DNAI2: variants seen among roughly 807,000 people sequenced by gnomAD.
DNAI2 encodes dynein axonemal intermediate chain 2, also known as dynein, axonemal, intermediate polypeptide 2.
Under a neutral mutation model 74.7 loss-of-function variants are expected in DNAI2, and 63 were observed. That is an observed-to-expected ratio of 0.84 (90% CI 0.69 to 1.04). DNAI2 has a LOEUF of 1.04. DNAI2 is among the 50% of genes least tolerant of loss of function. The pLI, the probability that DNAI2 is intolerant of heterozygous loss-of-function variation, is 0.00. For missense variants in DNAI2, 688 were observed against 803.2 expected (o/e 0.86, Z 1.73); for synonymous variants, 289 against 314.9 (o/e 0.92, Z 0.87).
chr17:74,306,263 G>T (rs2053186492), intron 9 of DNAI2, among the ~76,000 whole-genome samples: 1 of 152,216 alleles, frequency 6.6e-6, no homozygotes, highest in Non-Finnish European at 1.5e-5. Context: ...ACAATGGTTA[G>T]ACCAGAGAAG....
intron 2 of DNAI2, 128 bp from the exon 3 acceptor site, chr17:74,284,912 C>T (rs2051617201): frequency 8.3e-7 from 1 of 1,201,820 alleles, no homozygotes; most frequent in Non-Finnish European, 1.2e-6. Flanking sequence ...TTTGAAAATA[C>T]TGTGGCTCCG....
chr17:74,280,991 G>A (rs1157523434), intron 1 of DNAI2, among the ~76,000 whole-genome samples: 1 of 151,026 alleles, frequency 6.6e-6, no homozygotes, highest in African/African-American at 2.4e-5. Flanking sequence ...GGGAGGCTGA[G>A]GTGGGAGGAT....
chr17:74,309,036 C>G (rs2053347587), intron 9 of DNAI2, among the ~76,000 whole-genome samples: 1 of 143,692 alleles, frequency 7.0e-6, no homozygotes, highest in African/African-American at 2.7e-5. Context: ...GCACTCCAGC[C>G]TGGGCAACAG....
At position 74,309,328 on chromosome 17, in the gene DNAI2, C is replaced by T. The variant is rs372940037; in HGVS notation, c.1287C>T (p.Asp429=). The change falls in exon 10 of 14, where the codon GAC becomes GAT. Residue 429 remains aspartate, a synonymous_variant. Coordinates refer to ENST00000311014, the MANE Select transcript of DNAI2 (RefSeq NM_023036.6). The part of the protein sequence containing the change: ...RPTVFFTTRM[D]GTLDIWDFMF... ...CCGTTTTCTTTACCACCAGGATGGA[C>T]GGAACCCTGGATATCTGGGACTTCA... 4.0e-5 allele frequency: 65 copies of T among 1,613,998 alleles called. 1 individual carries two copies. The highest frequency in any genetic ancestry group is 2.0e-4 in the South Asian group (18 of 91,076).
chr17:74,286,911 T>G (rs1223161990), intron 3 of DNAI2, 66 bp from the exon 4 acceptor site: 1 of 1,608,376 alleles, frequency 6.2e-7, no homozygotes, highest in South Asian at 1.1e-5. Flanking sequence ...CAGACTCCAT[T>G]GCAGGCCTGG....
intron 5 of DNAI2, among the ~76,000 whole-genome samples, chr17:74,290,441 C>T (rs1167066527): frequency 2.0e-5 from 3 of 152,158 alleles, no homozygotes; most frequent in Admixed American, 6.6e-5. Context: ...GCAGGGGCAG[C>T]GTGTCCATTT....
Position 74,314,870 on chromosome 17 carries a change from A to C in DNAI2, c.*337A>C. The C allele has an allele frequency of 6.0e-6, 1 of 166,096 alleles. No homozygotes were observed. Among genetic ancestry groups the C allele is most frequent in the South Asian group, 1.4e-4 (1 of 6,902 alleles). 10.3% of individuals were successfully genotyped at this position (166,096 alleles called of 1,614,324 possible). A position where few individuals can be genotyped will look rare whatever the true frequency, so the allele number is the denominator to read the frequency against. On this transcript the variant is annotated 3_prime_UTR_variant, in exon 14 of 14. Transcript: ENST00000311014. ...TCCTAATTCTTGTAAAATTAAATGAATCGTAACAATGCCACGAGTTAGTAC... is the reference window on the plus strand; with the variant it reads ...TCCTAATTCTTGTAAAATTAAATGACTCGTAACAATGCCACGAGTTAGTAC...
chr17:74,299,866 C>T lies in DNAI2; in HGVS notation c.864+9C>T, dbSNP rs1380145661. 1 of 1,613,362 alleles carries T rather than the reference C, an allele frequency of 6.2e-7. No homozygotes were observed. Among genetic ancestry groups the T allele is most frequent in the East Asian group, 2.2e-5 (1 of 44,868 alleles). ...CTTCCACGGATGGGCAGGTACCCACCAGCCAGACACTGGAGAGAGGAGGGA... is the reference window on the plus strand; with the variant it reads ...CTTCCACGGATGGGCAGGTACCCACTAGCCAGACACTGGAGAGAGGAGGGA... On this transcript the variant is annotated intron_variant, in intron 7 of 13. Coordinates refer to ENST00000311014, the MANE Select transcript of DNAI2 (RefSeq NM_023036.6).
intron 10 of DNAI2, 174 bp downstream of exon 10, chr17:74,309,562 C>A: frequency 1.1e-6 from 1 of 890,948 alleles, no homozygotes; most frequent in Non-Finnish European, 1.8e-6. Flanking sequence ...GCGTGTGCTC[C>A]TACAAAGGTT....
intron 10 of DNAI2, 183 bp from the exon 11 acceptor site, chr17:74,309,834 A>T: frequency 1.3e-6 from 1 of 754,996 alleles, no homozygotes; most frequent in Non-Finnish European, 2.2e-6. Flanking sequence ...GCGGGAGATG[A>T]GGCAGGGAAG....
chr17:74,289,839 G>A (rs532158476), intron 5 of DNAI2, 103 bp downstream of exon 5: 60 of 1,478,404 alleles, frequency 4.1e-5, no homozygotes, highest in African/African-American at 3.9e-4. Flanking sequence ...ACACTCACGC[G>A]GTTGGTGCCT....
rs567522765 is a variant in DNAI2, at chr17:74,280,762, T to G, written c.-11-1045T>G. 5.9e-5 allele frequency among the ~76,000 whole-genome samples: 9 copies of G among 152,218 alleles called. No homozygotes were observed. The East Asian group carries it at 1.7e-3, about 29-fold the overall frequency. On this transcript the variant is annotated intron_variant, in intron 1 of 13. Coordinates refer to ENST00000311014, the MANE Select transcript of DNAI2 (RefSeq NM_023036.6). ...CAACATCATCACCATCAATATTTCC[T>G]CCTGCCCTGTCAATAAACACTGATT... is the stretch of plus-strand genomic sequence containing the variant.
At chr17:74,311,941 A>G (rs981295619) in intron 11 of DNAI2, 62 bp from the exon 12 acceptor site, 30 of 1,529,278 alleles carry the variant, frequency 2.0e-5, no homozygotes, top group Non-Finnish European at 2.6e-5. Flanking sequence ...TGGCCCCAGC[A>G]CTGGAGTCGC....
rs1356453042 is a variant in DNAI2, at chr17:74,281,913, G to A, written c.96G>A (p.Met32Ile). 1.2e-6 allele frequency: 2 copies of A among 1,614,176 alleles called. No homozygotes were observed. The highest frequency in any genetic ancestry group is 2.2e-5 in the South Asian group (2 of 91,084). ...AGGCCGAGCTGAACATCGACATCAT[G>A]CCCAACCCTGAGCTGGCCGAGCAGT... is the stretch of plus-strand genomic sequence containing the variant. Reference protein sequence around the residue: ...DRQAELNIDIMPNPELAEQFV... With the variant: ...DRQAELNIDIIPNPELAEQFV... The change falls in exon 2 of 14, where the codon ATG becomes ATA. Residue 32 changes from methionine to isoleucine, a missense_variant. By Grantham distance (10) the Met-to-Ile change is conservative. Transcript: ENST00000311014.
rs536410188 is a variant in DNAI2, at chr17:74,310,014, T to C, written c.1348-3T>C. On this transcript the variant is annotated splice_region_variant and splice_polypyrimidine_tract_variant and intron_variant, in intron 10 of 13. Coordinates refer to ENST00000311014, the MANE Select transcript of DNAI2 (RefSeq NM_023036.6). ...ACCTGGGTCTGCCCGGCCCCTTCAA[T>C]AGGTGTGTGACGAGGCCCTCTTCTG... 1.4e-5 allele frequency: 22 copies of C among 1,613,808 alleles called. No individual in the cohort carries two copies. The highest frequency in any genetic ancestry group is 1.7e-5 in the Non-Finnish European group (20 of 1,180,022).
chr17:74,314,134 CAGA>C lies in DNAI2; in HGVS notation c.1743_1745del (p.Glu581del), dbSNP rs886053379. On this transcript the variant is annotated inframe_deletion, in exon 13 of 14. Transcript: ENST00000311014. ...CTTCCCCTGCAGCAGCAACCAAGTC[CAGA>C]AGAAGACCAGGTGGTGGAGGAGGGA... The C allele has an allele frequency of 6.2e-6, 10 of 1,614,058 alleles. No individual in the cohort carries two copies. The highest frequency in any genetic ancestry group is 1.3e-5 in the African/African-American group (1 of 74,940).
Position 74,312,206 on chromosome 17 carries a change from C to T in DNAI2, c.1698C>T (p.Asp566=), listed in dbSNP as rs142710343. The T allele has an allele frequency of 5.6e-5, 90 of 1,606,524 alleles. No homozygotes were observed. Among genetic ancestry groups the T allele is most frequent in the Admixed American group, 5.3e-4 (31 of 59,022 alleles). ...IFAELKKKEA[D]AIKLTPVPQQ... is the part of the protein sequence containing the mutation. ...CAGAGCTGAAGAAGAAGGAGGCAGA[C>T]GCCATAAAGCTGACGCCAGTGCCTG... is the stretch of plus-strand genomic sequence containing the variant. Residue 566 remains aspartate, a synonymous_variant, in exon 12 of 14, where the codon GAC becomes GAT. Transcript: ENST00000311014.
chr17:74,279,450 A>AAT (rs879372545), intron 1 of DNAI2, among the ~76,000 whole-genome samples: 2 of 152,146 alleles, frequency 1.3e-5, no homozygotes, highest in Non-Finnish European at 2.9e-5. Flanking sequence ...GTGCCCCATA[A>AAT]ATATATACAC....
At chr17:74,274,934 C>T (rs990730223) in intron 1 of DNAI2, among the ~76,000 whole-genome samples, 2 of 152,190 alleles carry the variant, frequency 1.3e-5, no homozygotes, top group Non-Finnish European at 2.9e-5. Context: ...CAAGGTTTAC[C>T]ACATTCTCTT....
Sources: gnomAD v4.1 joint callset for allele counts (sites outside exome capture counted in the v4.1 genomes callset) on GRCh38, gnomAD v4.1.1 for gene constraint, MANE v1.5 for transcripts, NCBI Gene and HGNC (gene_info 2026-07-23, HGNC 2026-07-21) for gene names.